Variants in KRR1 observed in about 807,000 individuals in gnomAD.
KRR1 encodes KRR1 small subunit processome component.
Under a neutral mutation model 50.0 loss-of-function variants are expected in KRR1, and 23 were observed. The observed-to-expected ratio is 0.46, with a 90% CI of 0.33 to 0.65. KRR1 has a LOEUF of 0.65. Among genes scored for constraint, KRR1 ranks in the 30% least tolerant of loss-of-function variants. The pLI, the probability that KRR1 is intolerant of heterozygous loss-of-function variation, is 0.02. For missense variants in KRR1, 419 were observed against 442.4 expected (o/e 0.95, Z 0.47); for synonymous variants, 133 against 146.3 (o/e 0.91, Z 0.66).
In KRR1 at chr12:75,508,319, G is replaced by GT; in HGVS notation, c.212dup (p.Tyr71Ter). 6.2e-7 allele frequency: 1 copy of GT among 1,613,406 alleles called. No individual in the cohort carries two copies. Among genetic ancestry groups the GT allele is most frequent in the Non-Finnish European group, 8.5e-7 (1 of 1,179,676 alleles). ...GCACCAATGGCCAACACTCTTTCAA[G>GT]TAAGCTTCCCTGTATTTTGGGAACA... is the stretch of plus-strand genomic sequence containing the variant. The part of the protein sequence containing the change: ...ATLFPKYREA[Y>*]LKECWPLVQK... Residue 71 changes from tyrosine to a stop codon, truncating the protein, a stop_gained and frameshift_variant, in exon 2 of 10, where the codon TAC (tyrosine) becomes TAAC (stop). Transcript: ENST00000229214. LOFTEE classifies it high-confidence loss of function.
At position 75,495,470 on chromosome 12, in the gene KRR1, T is replaced by C. The variant is rs2046344575; in HGVS notation, c.*4339A>G. 4 of 651,284 alleles carry C rather than the reference T, an allele frequency of 6.1e-6. No individual in the cohort carries two copies. Among genetic ancestry groups the C allele is most frequent in the South Asian group, 3.6e-5 (2 of 56,084 alleles). The allele number at this position is 651,284 out of a possible 1,614,324, so 40.3% of individuals were successfully genotyped here. ...CTTCTATTACCAACTCTCTGGACCT[T>C]TGTACTTCACTCCACTATTCTTCTG... On this transcript the variant is annotated 3_prime_UTR_variant, in exon 10 of 10. Transcript: ENST00000229214.
At chr12:75,503,839 A>C in intron 7 of KRR1, 65 bp downstream of exon 7, 1 of 1,407,538 alleles carries the variant, frequency 7.1e-7, no homozygotes, top group Non-Finnish European at 9.7e-7. Flanking sequence ...ACTTTCAATA[A>C]AGTTTCTGAC....
At position 75,498,796 on chromosome 12, in the gene KRR1, A is replaced by G; in HGVS notation, c.*1013T>C. On this transcript the variant is annotated 3_prime_UTR_variant, in exon 10 of 10. Transcript: ENST00000229214. Reference sequence around the variant, plus strand: ...CAGTGCATTATGAGGAACAATGTCTAAGAGGATATTCTATGTTTGTTTCAC... The same window carrying G: ...CAGTGCATTATGAGGAACAATGTCTGAGAGGATATTCTATGTTTGTTTCAC... 1 of 1,611,602 alleles carries G rather than the reference A, an allele frequency of 6.2e-7. No individual in the cohort carries two copies. Among genetic ancestry groups the G allele is most frequent in the African/African-American group, 1.3e-5 (1 of 74,976 alleles).
In KRR1 at chr12:75,506,616, C is replaced by CAAA. The variant is rs35071517; in HGVS notation, c.394-10_394-8dup. 1,713 of 1,370,826 alleles carry CAAA rather than the reference C, an allele frequency of 1.2e-3. 20 individuals carry two copies. Among genetic ancestry groups the CAAA allele is most frequent in the South Asian group, 4.2e-3 (274 of 64,686 alleles). 84.9% of individuals were successfully genotyped at this position (1,370,826 alleles called of 1,614,324 possible). On this transcript the variant is annotated splice_polypyrimidine_tract_variant and splice_region_variant and intron_variant, in intron 3 of 9. Transcript: ENST00000229214. ...CCTGAAGAATTCGTACTGCCTTTTG[C>CAAA]AAAAAAAAAAAAAAAAAGAAGACAT... is the stretch of plus-strand genomic sequence containing the variant.
rs1215390543 is a variant in KRR1, at chr12:75,493,650, T to C, written c.*6159A>G. 2.0e-5 allele frequency: 3 copies of C among 152,344 alleles called. No individual in the cohort carries two copies. Among genetic ancestry groups the C allele is most frequent in the East Asian group, 1.9e-4 (1 of 5,184 alleles). 9.4% of individuals were successfully genotyped at this position (152,344 alleles called of 1,614,324 possible). A position where few individuals can be genotyped will look rare whatever the true frequency, so the allele number is the denominator to read the frequency against. ...CATATTTATCTTTTTCTTTAAAGAT[T>C]TGTCTTCGGTCTTCCCCTGGGTCCC... On this transcript the variant is annotated 3_prime_UTR_variant, in exon 10 of 10. Coordinates refer to ENST00000229214, the MANE Select transcript of KRR1 (RefSeq NM_007043.7).
Position 75,498,567 on chromosome 12 carries a change from G to A in KRR1, c.*1242C>T. Reference sequence around the variant, plus strand: ...CAAAAAGTTTTGAATAATTAAACTTGGAAAGTCACTGCAATAAAGCCAAAG... The same window carrying A: ...CAAAAAGTTTTGAATAATTAAACTTAGAAAGTCACTGCAATAAAGCCAAAG... On this transcript the variant is annotated 3_prime_UTR_variant, in exon 10 of 10. Transcript: ENST00000229214. 1.5e-6 allele frequency: 1 copy of A among 686,292 alleles called. No homozygotes were observed. The highest frequency in any genetic ancestry group is 2.5e-6 in the Non-Finnish European group (1 of 400,722). The allele number at this position is 686,292 out of a possible 1,614,324, so 42.5% of individuals were successfully genotyped here. A position where few individuals can be genotyped will look rare whatever the true frequency, so the allele number is the denominator to read the frequency against.
At chr12:75,500,094 G>C in intron 9 of KRR1, 143 bp from the exon 10 acceptor site, 1 of 566,956 alleles carries the variant, frequency 1.8e-6, no homozygotes, top group Non-Finnish European at 2.9e-6. Context: ...GGTGATCACA[G>C]TATAAAATAT....
chr12:75,502,231 G>A (rs886570240), intron 7 of KRR1: 4 of 378,046 alleles, frequency 1.1e-5, no homozygotes, highest in Non-Finnish European at 1.9e-5. Flanking sequence ...TCAGGGATAT[G>A]GCATGGAAGG....
Position 75,499,960 on chromosome 12 carries a change from A to G in KRR1, c.1004-9T>C. On this transcript the variant is annotated splice_polypyrimidine_tract_variant and intron_variant, in intron 9 of 9. Transcript: ENST00000229214. ...TTTAGTTTCAGTAGAAGCTAGACAA[A>G]TTAAAAGCACAACACATGTAATACT... 6.3e-7 allele frequency: 1 copy of G among 1,586,856 alleles called. No individual in the cohort carries two copies. Among genetic ancestry groups the G allele is most frequent in the Non-Finnish European group, 8.5e-7 (1 of 1,171,286 alleles).
In KRR1 at chr12:75,506,616, C is replaced by CAAAAAAAAAAAA. The variant is rs35071517; in HGVS notation, c.394-19_394-8dup. 5.8e-4 allele frequency: 796 copies of CAAAAAAAAAAAA among 1,372,412 alleles called. 19 individuals carry two copies. Among genetic ancestry groups the CAAAAAAAAAAAA allele is most frequent in the African/African-American group, 2.4e-3 (139 of 59,062 alleles). The allele number at this position is 1,372,412 out of a possible 1,614,324, so 85.0% of individuals were successfully genotyped here. On this transcript the variant is annotated splice_polypyrimidine_tract_variant and splice_region_variant and intron_variant, in intron 3 of 9. Transcript: ENST00000229214. ...CCTGAAGAATTCGTACTGCCTTTTG[C>CAAAAAAAAAAAA]AAAAAAAAAAAAAAAAAGAAGACAT...
At chr12:75,509,515 A>G (rs570082136) in intron 1 of KRR1, among the ~76,000 whole-genome samples, 2 of 152,234 alleles carry the variant, frequency 1.3e-5, no homozygotes, top group African/African-American at 4.8e-5. Context: ...GTCTTCATAT[A>G]AAGGATTCTC....
Position 75,505,197 on chromosome 12 carries a change from C to T in KRR1, c.660+1G>A. 1.3e-6 allele frequency: 2 copies of T among 1,551,542 alleles called. No individual in the cohort carries two copies. Among genetic ancestry groups the T allele is most frequent in the South Asian group, 1.2e-5 (1 of 86,232 alleles). ...TACAGTTATATATAATTACCACTCACTTTAATGTTATAAATTGGATGAATA... is the reference window on the plus strand; with the variant it reads ...TACAGTTATATATAATTACCACTCATTTTAATGTTATAAATTGGATGAATA... On this transcript the variant is annotated splice_donor_variant, in intron 6 of 9. Transcript: ENST00000229214. LOFTEE classifies it high-confidence loss of function.
At position 75,493,433 on chromosome 12, in the gene KRR1, A is replaced by G. The variant is rs1319769460; in HGVS notation, c.*6376T>C. The G allele has an allele frequency of 6.6e-6, 1 of 152,202 alleles. No homozygotes were observed. Among genetic ancestry groups the G allele is most frequent in the African/African-American group, 2.4e-5 (1 of 41,452 alleles). 9.4% of individuals were successfully genotyped at this position (152,202 alleles called of 1,614,324 possible). A position where few individuals can be genotyped will look rare whatever the true frequency, so the allele number is the denominator to read the frequency against. Reference sequence around the variant, plus strand: ...TGGGGTCTGGGATGCTTAATCTTCCAGTTGCCTGTAATACTCTCCTCTTCA... The same window carrying G: ...TGGGGTCTGGGATGCTTAATCTTCCGGTTGCCTGTAATACTCTCCTCTTCA... On this transcript the variant is annotated 3_prime_UTR_variant, in exon 10 of 10. Coordinates refer to ENST00000229214, the MANE Select transcript of KRR1 (RefSeq NM_007043.7).
rs1056903 is a variant in KRR1 at position 75,499,624 on chromosome 12, C to A, written c.*185G>T. 320,962 of 353,276 alleles carry A rather than the reference C, an allele frequency of 0.91. 146,141 individuals are homozygous for A. The highest frequency in any genetic ancestry group is 1 in the East Asian group (19,593 of 19,624). 21.9% of individuals were successfully genotyped at this position (353,276 alleles called of 1,614,324 possible). On this transcript the variant is annotated 3_prime_UTR_variant, in exon 10 of 10. Coordinates refer to ENST00000229214, the MANE Select transcript of KRR1 (RefSeq NM_007043.7). ...TACAAAGACTTATATACCACTTTCT[C>A]GTATAAATTTTTCAAAAAATACAAT...
intron 5 of KRR1, chr12:75,506,068 G>A: frequency 3.2e-6 from 1 of 310,896 alleles, no homozygotes; most frequent in Non-Finnish European, 6.0e-6. Context: ...ATAGTGGGAG[G>A]AGTAATAGTG....
chr12:75,499,921 C>T lies in KRR1; in HGVS notation c.1034G>A (p.Ser345Asn). The change falls in exon 10 of 10, where the codon AGC (serine) becomes AAC (asparagine). Residue 345 changes from serine to asparagine, a missense_variant. By Grantham distance (46) the Ser-to-Asn change is conservative. Coordinates refer to ENST00000229214, the MANE Select transcript of KRR1 (RefSeq NM_007043.7). ...ASTETKIDVA[S>N]IKEKVKKAKN... ...TGCTTTCTTAACCTTTTCCTTGATG[C>T]TGGCCACATCAATTTTAGTTTCAGT... The T allele has an allele frequency of 6.2e-7, 1 of 1,605,018 alleles. No homozygotes were observed. Among genetic ancestry groups the T allele is most frequent in the South Asian group, 1.1e-5 (1 of 89,254 alleles).
chr12:75,507,036 C>G (rs2046425751), intron 2 of KRR1, 120 bp from the exon 3 acceptor site: 2 of 740,596 alleles, frequency 2.7e-6, no homozygotes, highest in South Asian at 4.6e-5. Context: ...CAATTACTTC[C>G]CTGAAGAAGC....
In KRR1 at chr12:75,492,889, T is replaced by A. The variant is rs1393671542; in HGVS notation, c.*6920A>T. The A allele has an allele frequency of 6.6e-6, 1 of 152,176 alleles. No individual in the cohort carries two copies. The highest frequency in any genetic ancestry group is 1.5e-5 in the Non-Finnish European group (1 of 68,022). 9.4% of individuals were successfully genotyped at this position (152,176 alleles called of 1,614,324 possible). A position where few individuals can be genotyped will look rare whatever the true frequency, so the allele number is the denominator to read the frequency against. ...CTATAAATAATACTGTAATAGAAAC[T>A]ATCAATAGGCAAGGCCCCTGTTTAG... On this transcript the variant is annotated 3_prime_UTR_variant, in exon 10 of 10. Transcript: ENST00000229214.
rs2046346504 is a variant in KRR1 at position 75,495,726 on chromosome 12, T to C, written c.*4083A>G. 1.0e-6 allele frequency: 1 copy of C among 967,820 alleles called. No individual in the cohort carries two copies. The allele number at this position is 967,820 out of a possible 1,614,324, so 60.0% of individuals were successfully genotyped here. A position where few individuals can be genotyped will look rare whatever the true frequency, so the allele number is the denominator to read the frequency against. On this transcript the variant is annotated 3_prime_UTR_variant, in exon 10 of 10. Transcript: ENST00000229214. ...TAGTAACATGTAACTTTCTACAGAA[T>C]TAACAATGAAACCATGTTTTATCTT...
Sources: gnomAD v4.1 joint callset for allele counts (sites outside exome capture counted in the v4.1 genomes callset) on GRCh38, gnomAD v4.1.1 for gene constraint, MANE v1.5 for transcripts, NCBI Gene and HGNC (gene_info 2026-07-23, HGNC 2026-07-21) for gene names.